ATRNL1: variants seen among roughly 807,000 people sequenced by gnomAD.
The protein encoded by ATRNL1 is attractin-like protein 1.
ATRNL1 carries 95 observed loss-of-function variants against 182.7 expected under a neutral mutation model. That is an observed-to-expected ratio of 0.52 (90% CI 0.44 to 0.62). ATRNL1 has a LOEUF of 0.62. Among genes scored for constraint, ATRNL1 ranks in the 20% least tolerant of loss-of-function variants. ATRNL1 has a pLI of 0.00. For missense variants in ATRNL1, 1,471 were observed against 1,679.5 expected, an observed-to-expected ratio of 0.88 and a Z score of 2.17; for synonymous variants, 576 against 568.3, an observed-to-expected ratio of 1.01 and a Z score of -0.19.
intron 10 of ATRNL1, among the ~76,000 whole-genome samples, chr10:115,257,284 A>G (rs1804027934): frequency 1.3e-5 from 2 of 152,168 alleles, no homozygotes; most frequent in Non-Finnish European, 2.9e-5. Context: ...TAGGTCTCCA[A>G]GGGCTTGCTT....
intron 21 of ATRNL1, among the ~76,000 whole-genome samples, chr10:115,442,928 C>T (rs1846767672): frequency 6.6e-6 from 1 of 151,904 alleles, no homozygotes; most frequent in African/African-American, 2.4e-5. Flanking sequence ...TAGAATGCTC[C>T]TTAGCAGTCT....
chr10:115,630,843 C>G (rs920942310), intron 26 of ATRNL1, among the ~76,000 whole-genome samples: 5 of 136,516 alleles, frequency 3.7e-5, no homozygotes, highest in African/African-American at 1.6e-4. Flanking sequence ...CACACACACA[C>G]ACACACACAC....
intron 8 of ATRNL1, among the ~76,000 whole-genome samples, chr10:115,200,334 G>C (rs1293891833): frequency 7.1e-6 from 1 of 140,596 alleles, no homozygotes; most frequent in African/African-American, 2.7e-5. Flanking sequence ...CCATTAACTC[G>C]TCATTTAGCA....
chr10:115,890,057 A>G (rs546747061), intron 28 of ATRNL1, among the ~76,000 whole-genome samples: 4 of 152,190 alleles, frequency 2.6e-5, no homozygotes, highest in South Asian at 2.1e-4. Context: ...ATACTCATAT[A>G]TGTTTGCACA....
chr10:115,849,983 G>A (rs1404257224), intron 28 of ATRNL1, among the ~76,000 whole-genome samples: 2 of 152,186 alleles, frequency 1.3e-5, no homozygotes, highest in Non-Finnish European at 2.9e-5. Flanking sequence ...CAGAGCCTGA[G>A]GATGAAACTA....
At chr10:115,166,631 T>C (rs1176422571) in intron 7 of ATRNL1, among the ~76,000 whole-genome samples, 2 of 152,022 alleles carry the variant, frequency 1.3e-5, no homozygotes, top group African/African-American at 4.8e-5. Context: ...GTGATTTTGA[T>C]TTGCATTTCT....
At chr10:115,722,014 T>A (rs1942139568) in intron 26 of ATRNL1, among the ~76,000 whole-genome samples, 1 of 152,142 alleles carries the variant, frequency 6.6e-6, no homozygotes, top group African/African-American at 2.4e-5. Context: ...ATCTTAAGGT[T>A]TTATGGAATC....
At chr10:115,282,977 CT>C (rs1326456188) in intron 14 of ATRNL1, among the ~76,000 whole-genome samples, 3 of 151,988 alleles carry the variant, frequency 2.0e-5, no homozygotes, top group Non-Finnish European at 4.4e-5. Flanking sequence ...CCCTAGCCCC[CT>C]ACCCCCACTT....
At chr10:115,761,032 G>A (rs574703911) in intron 27 of ATRNL1, among the ~76,000 whole-genome samples, 3 of 152,302 alleles carry the variant, frequency 2.0e-5, no homozygotes, top group African/African-American at 7.2e-5. Flanking sequence ...AGCCTTTCAT[G>A]CTGCACAACA....
chr10:115,437,830 C>G (rs569489311), intron 21 of ATRNL1, among the ~76,000 whole-genome samples: 4 of 152,034 alleles, frequency 2.6e-5, no homozygotes, highest in African/African-American at 9.6e-5. Flanking sequence ...TTTATTTTAT[C>G]AGACAGTCTT....
chr10:115,623,044 T>C (rs1209451970), intron 26 of ATRNL1, among the ~76,000 whole-genome samples: 4 of 152,196 alleles, frequency 2.6e-5, no homozygotes, highest in South Asian at 2.1e-4. Flanking sequence ...CAGCATAGCG[T>C]CATTGTATTT....
At chr10:115,471,301 G>T (rs1282191028) in intron 24 of ATRNL1, among the ~76,000 whole-genome samples, 2 of 151,062 alleles carry the variant, frequency 1.3e-5, no homozygotes, top group Non-Finnish European at 3.0e-5. Context: ...ACGTTGTAAA[G>T]AATGTGAGAG....
At chr10:115,534,024 G>C (rs574000794) in intron 25 of ATRNL1, among the ~76,000 whole-genome samples, 4 of 150,494 alleles carry the variant, frequency 2.7e-5, no homozygotes, top group Admixed American at 2.7e-4. Context: ...TTACTTCCAA[G>C]TATGTGGTCA....
chr10:115,546,731 A>C (rs756188242), intron 25 of ATRNL1, among the ~76,000 whole-genome samples: 6 of 152,128 alleles, frequency 3.9e-5, no homozygotes, highest in Non-Finnish European at 7.4e-5. Context: ...ATGATATTTA[A>C]GTAACATCCC....
At chr10:115,252,974 AC>A (rs1215775625) in intron 10 of ATRNL1, among the ~76,000 whole-genome samples, 1 of 152,118 alleles carries the variant, frequency 6.6e-6, no homozygotes, top group Non-Finnish European at 1.5e-5. Context: ...TGCTCCACCT[AC>A]CACCAATGAT....
At chr10:115,661,680 A>G (rs78019605) in intron 26 of ATRNL1, among the ~76,000 whole-genome samples, 3,037 of 152,284 alleles carry the variant, frequency 0.02, 64 homozygotes, top group East Asian at 0.12. Flanking sequence ...CTGTCATACT[A>G]AAATTTCAAA....
intron 27 of ATRNL1, among the ~76,000 whole-genome samples, chr10:115,750,239 A>C (rs1247425753): frequency 6.6e-6 from 1 of 151,932 alleles, no homozygotes; most frequent in African/African-American, 2.4e-5. Flanking sequence ...AATGTTTGCC[A>C]ACTTTAAGTA....
intron 9 of ATRNL1, among the ~76,000 whole-genome samples, chr10:115,217,969 C>A (rs1483707666): frequency 6.6e-6 from 1 of 151,944 alleles, no homozygotes; most frequent in East Asian, 1.9e-4. Context: ...GGTCCCCAAC[C>A]TTTTTGGCAC....
At chr10:115,485,728 A>T (rs1465091458) in intron 24 of ATRNL1, among the ~76,000 whole-genome samples, 3 of 151,964 alleles carry the variant, frequency 2.0e-5, no homozygotes, top group African/African-American at 7.2e-5. Flanking sequence ...CTAGTGTTAC[A>T]CATTACAAAT....
Sources: allele counts gnomAD v4.1 joint callset (sites outside exome capture counted in the v4.1 genomes callset), GRCh38; gene constraint gnomAD v4.1.1; transcripts MANE v1.5; gene names NCBI Gene and HGNC (gene_info 2026-07-23, HGNC 2026-07-21).